IL22RA2: variants seen among roughly 807,000 people sequenced by gnomAD.
The protein encoded by IL22RA2 is interleukin-22 receptor subunit alpha-2.
In IL22RA2, 39 loss-of-function variants were observed where a neutral mutation model predicts 30.7. That is an observed-to-expected ratio of 1.27 (90% CI 0.98 to 1.66). IL22RA2 has a LOEUF of 1.66. Among genes scored for constraint, IL22RA2 ranks in the 40% most tolerant of loss-of-function variants. The probability of loss-of-function intolerance (pLI) is 0.00; values close to 1 mark genes in which losing one functional copy is unlikely to be tolerated. For missense variants in IL22RA2, 315 were observed against 312.7 expected (o/e 1.01, Z -0.05); for synonymous variants, 103 against 105.0 (o/e 0.98, Z 0.11).
At position 137,158,468 on chromosome 6, in the gene IL22RA2, G is replaced by A. The variant is rs780249958; in HGVS notation, c.76C>T (p.His26Tyr). The change falls in exon 3 of 7, where the codon CAT becomes TAT. Residue 26 changes from histidine (H) to tyrosine (Y), a missense_variant. By Grantham distance (83) the His-to-Tyr change is moderately conservative (BLOSUM62 2). Coordinates refer to ENST00000296980, the MANE Select transcript of IL22RA2 (RefSeq NM_052962.3). The stretch of plus-strand genomic sequence containing the variant: ...ACCCTCTGAGGCTTCAGAGACTCAT[G>A]CGTTGACTGAGTTCCTAAGATAATA... ...LTGVAGTQST[H>Y]ESLKPQRVQF... The A allele has an allele frequency of 5.0e-6, 8 of 1,614,008 alleles. No homozygotes were observed. The highest frequency in any genetic ancestry group is 6.8e-6 in the Non-Finnish European group (8 of 1,179,902).
At chr6:137,167,792 C>A (rs900593527) in intron 1 of IL22RA2, among the ~76,000 whole-genome samples, 1 of 152,188 alleles carries the variant, frequency 6.6e-6, no homozygotes, top group Non-Finnish European at 1.5e-5. Context: ...CTGACAAGGA[C>A]AACTGCCCTG....
chr6:137,150,427 AT>A lies in IL22RA2; in HGVS notation c.473-2537del, dbSNP rs545371162. 1.2e-3 allele frequency among the ~76,000 whole-genome samples: 184 copies of A among 150,754 alleles called. 6 individuals carry two copies. The South Asian group carries it at 0.02, about 17-fold the overall frequency. On this transcript the variant is annotated intron_variant, in intron 5 of 6. Transcript: ENST00000296980. ...TTCTACTAAGAGGCCCCGAAATAAA[AT>A]GGCTTTTTAAAGGACCTGGTCTAAA...
intron 2 of IL22RA2, 148 bp from the exon 3 acceptor site, chr6:137,158,630 T>A (rs1335143274): frequency 2.7e-6 from 2 of 737,368 alleles, no homozygotes; most frequent in Non-Finnish European, 4.5e-6. Flanking sequence ...GAAATCAACA[T>A]TTTGAATCTT....
intron 1 of IL22RA2, among the ~76,000 whole-genome samples, chr6:137,171,435 G>T (rs908200327): frequency 1.3e-5 from 2 of 152,206 alleles, no homozygotes; most frequent in Non-Finnish European, 2.9e-5. Flanking sequence ...GAATGTAGGA[G>T]GGGAAGCAGG....
At chr6:137,164,425 C>T (rs541037306) in intron 1 of IL22RA2, among the ~76,000 whole-genome samples, 91 of 152,262 alleles carry the variant, frequency 6.0e-4, no homozygotes, top group East Asian at 1.7e-3. Context: ...AAGACTCTAA[C>T]GGCCAAGACA....
chr6:137,145,492 C>T lies in IL22RA2; in HGVS notation c.*132G>A. 2.8e-6 allele frequency: 2 copies of T among 706,888 alleles called. No homozygotes were observed. The highest frequency in any genetic ancestry group is 4.4e-6 in the Non-Finnish European group (2 of 456,334). The allele number at this position is 706,888 out of a possible 1,614,324, so 43.8% of individuals were successfully genotyped here. A position where few individuals can be genotyped will look rare whatever the true frequency, so the allele number is the denominator to read the frequency against. ...AAAAGAATGGATAAACAAAGAAGTC[C>T]CCAAGGTGTAACAGTGAATATTGCT... is the stretch of plus-strand genomic sequence containing the variant. On this transcript the variant is annotated 3_prime_UTR_variant, in exon 7 of 7. Coordinates refer to ENST00000296980, the MANE Select transcript of IL22RA2 (RefSeq NM_052962.3).
chr6:137,170,873 A>C lies in IL22RA2; in HGVS notation c.-66+2540T>G, dbSNP rs376838929. Among the ~76,000 whole-genome samples, 16 of 152,334 alleles carry C rather than the reference A, an allele frequency of 1.1e-4. No homozygotes were observed. In the South Asian group the frequency reaches 3.3e-3, roughly 32 times the overall value. ...TGTTCTCATACAAGGAACAATCGAT[A>C]AACTAGAAATCTTAGAAGCCTTCCT... On this transcript the variant is annotated intron_variant, in intron 1 of 6. Coordinates refer to ENST00000296980, the MANE Select transcript of IL22RA2 (RefSeq NM_052962.3).
intron 2 of IL22RA2, among the ~76,000 whole-genome samples, chr6:137,161,415 G>GGA (rs376885215): frequency 4.0e-5 from 6 of 151,058 alleles, no homozygotes; most frequent in East Asian, 1.9e-4. Context: ...AGGGAGGGAA[G>GGA]GAGAGAGAGA....
intron 5 of IL22RA2, among the ~76,000 whole-genome samples, chr6:137,152,240 A>C (rs959712232): frequency 1.3e-5 from 2 of 152,094 alleles, no homozygotes; most frequent in East Asian, 3.8e-4. Flanking sequence ...AAAAAAAAAC[A>C]AAAAAACTCA....
intron 1 of IL22RA2, among the ~76,000 whole-genome samples, chr6:137,168,837 A>C (rs998143586): frequency 3.3e-5 from 5 of 152,226 alleles, no homozygotes; most frequent in Non-Finnish European, 7.3e-5. Context: ...AACCCAAAGG[A>C]CTCAAGTTCA....
At chr6:137,160,876 C>A (rs1054750589) in intron 2 of IL22RA2, among the ~76,000 whole-genome samples, 45 of 152,308 alleles carry the variant, frequency 3.0e-4, no homozygotes, top group African/African-American at 9.6e-4. Flanking sequence ...TACCAAGTAC[C>A]AGAGTCTTCT....
intron 1 of IL22RA2, among the ~76,000 whole-genome samples, chr6:137,163,012 C>T (rs958709923): frequency 7.9e-5 from 12 of 152,192 alleles, no homozygotes; most frequent in Non-Finnish European, 1.3e-4. Context: ...ATATTAACAG[C>T]CTGTCTTCTC....
intron 3 of IL22RA2, among the ~76,000 whole-genome samples, chr6:137,157,281 T>C (rs554453138): frequency 4.2e-4 from 64 of 152,312 alleles, no homozygotes; most frequent in Non-Finnish European, 8.5e-4. Flanking sequence ...TTGACCTATT[T>C]ATACTACTCC....
intron 5 of IL22RA2, among the ~76,000 whole-genome samples, chr6:137,153,053 A>G (rs574735005): frequency 3.3e-5 from 5 of 152,276 alleles, no homozygotes; most frequent in Non-Finnish European, 7.4e-5. Flanking sequence ...CTGGATATAG[A>G]TTCTGGTTAC....
intron 1 of IL22RA2, among the ~76,000 whole-genome samples, chr6:137,172,222 T>C (rs1410331262): frequency 2.6e-5 from 4 of 152,220 alleles, no homozygotes; most frequent in African/African-American, 7.2e-5. Flanking sequence ...GGTTTTATGA[T>C]GAGAGCAGCA....
chr6:137,170,422 C>G (rs1562275432), intron 1 of IL22RA2, among the ~76,000 whole-genome samples: 1 of 152,156 alleles, frequency 6.6e-6, no homozygotes, highest in Non-Finnish European at 1.5e-5. Context: ...TCTATACTCC[C>G]CAACTCCACA....
intron 6 of IL22RA2, among the ~76,000 whole-genome samples, chr6:137,147,114 C>T (rs191455139): frequency 2.0e-5 from 3 of 148,100 alleles, no homozygotes; most frequent in East Asian, 4.0e-4. Context: ...CTTTGGGAGG[C>T]CAAGGCTGGA....
intron 4 of IL22RA2, 117 bp downstream of exon 4, chr6:137,156,642 A>T: frequency 7.3e-7 from 1 of 1,369,866 alleles, no homozygotes; most frequent in Non-Finnish European, 9.9e-7. Flanking sequence ...AAAATCCCTT[A>T]GAGACAGGAA....
chr6:137,145,424 G>T lies in IL22RA2; in HGVS notation c.*200C>A, dbSNP rs73780348. 601 of 457,976 alleles carry T rather than the reference G, an allele frequency of 1.3e-3. 5 individuals are homozygous for T. The highest frequency in any genetic ancestry group is 0.011 in the African/African-American group (561 of 48,890). The allele number at this position is 457,976 out of a possible 1,614,324, so 28.4% of individuals were successfully genotyped here. A position where few individuals can be genotyped will look rare whatever the true frequency, so the allele number is the denominator to read the frequency against. On this transcript the variant is annotated 3_prime_UTR_variant, in exon 7 of 7. Transcript: ENST00000296980. The stretch of plus-strand genomic sequence containing the variant: ...ATCTTTACATTTCAATTTTTCGGGG[G>T]GAATGTCGTTCAAATATAGTTTACA...
Sources: allele counts gnomAD v4.1 joint callset (sites outside exome capture counted in the v4.1 genomes callset), GRCh38; gene constraint gnomAD v4.1.1; transcripts MANE v1.5; gene names NCBI Gene and HGNC (gene_info 2026-07-23, HGNC 2026-07-21).